DNAH5: variants seen among roughly 807,000 people sequenced by gnomAD.
The protein encoded by DNAH5 is axonemal beta dynein heavy chain 5.
Under a neutral mutation model 518.2 loss-of-function variants are expected in DNAH5, and 372 were observed. The ratio of observed to expected loss-of-function variants is 0.72; its 90% CI spans 0.66 to 0.78. The LOEUF is 0.78. Ranked by LOEUF, DNAH5 falls within the 30% of genes least tolerant of loss-of-function variation. The pLI, the probability that DNAH5 is intolerant of heterozygous loss-of-function variation, is 0.00. For missense variants in DNAH5, 5,523 were observed against 5,687.0 expected (o/e 0.97, Z 0.93); for synonymous variants, 2,039 against 2,025.9 (o/e 1.01, Z -0.17).
Position 13,842,492 on chromosome 5 carries a change from A to AC in DNAH5, c.5272-589_5272-588insG, listed in dbSNP as rs1561408187. Among the ~76,000 whole-genome samples, 2 of 90,178 alleles carry AC rather than the reference A, an allele frequency of 2.2e-5. 1 individual carries two copies. Among genetic ancestry groups the AC allele is most frequent in the Admixed American group, 2.2e-4 (2 of 9,132 alleles). The allele number at this position is 90,178 out of a possible 152,430, so 59.2% of individuals were successfully genotyped here. ...GAAAGAAAGAAAGAAAGAGAAAGAA[A>AC]AGAAAGAAAGAAAGAAAAAGAAAGA... On this transcript the variant is annotated intron_variant, in intron 32 of 78. Transcript: ENST00000265104.
intron 22 of DNAH5, among the ~76,000 whole-genome samples, chr5:13,872,777 G>C (rs1040476819): frequency 1.3e-5 from 2 of 152,096 alleles, no homozygotes; most frequent in African/African-American, 4.8e-5. Context: ...TCACAGAGGA[G>C]TACAGTCCTG....
chr5:13,948,683 G>A (rs552553343), upstream of DNAH5, among the ~76,000 whole-genome samples: 21 of 152,304 alleles, frequency 1.4e-4, no homozygotes, highest in East Asian at 7.7e-4. Flanking sequence ...AATGGTGGGC[G>A]TCAATCTAAG....
At chr5:13,836,132 TC>T (rs1354252887) in intron 35 of DNAH5, among the ~76,000 whole-genome samples, 1 of 151,946 alleles carries the variant, frequency 6.6e-6, no homozygotes, top group African/African-American at 2.4e-5. Context: ...CTATCACACT[TC>T]CCCCCAGCAT....
chr5:13,883,038 C>T lies in DNAH5; in HGVS notation c.3040G>A (p.Val1014Ile), dbSNP rs778469881. Residue 1014 changes from valine (V) to isoleucine (I), a missense_variant, in exon 20 of 79, where the codon GTC becomes ATC. This residue lies in a region of DNAH5 where 5,121 missense variants were observed against 5,223.3 expected (regional missense o/e 0.98). Coordinates refer to ENST00000265104, the MANE Select transcript of DNAH5 (RefSeq NM_001369.3). ...QNSLPIFRAS[V>I]TLAIPNIVMA... ...ACGATGTTGGGAATGGCCAGAGTGA[C>T]GCTTGCCCGGAAAATGGGCAAACTG... 20 of 1,614,046 alleles carry T rather than the reference C, an allele frequency of 1.2e-5. No homozygotes were observed. Among genetic ancestry groups the T allele is most frequent in the South Asian group, 3.3e-5 (3 of 91,084 alleles).
At chr5:13,710,238 G>T (rs922759519) in intron 75 of DNAH5, among the ~76,000 whole-genome samples, 1 of 152,120 alleles carries the variant, frequency 6.6e-6, no homozygotes, top group Non-Finnish European at 1.5e-5. Context: ...TCGGCTCACA[G>T]GAAGCCACAT....
At chr5:13,795,022 A>G (rs953589400) in intron 47 of DNAH5, among the ~76,000 whole-genome samples, 5 of 152,226 alleles carry the variant, frequency 3.3e-5, no homozygotes, top group Non-Finnish European at 7.3e-5. Flanking sequence ...AGATATTAAA[A>G]CTGAAAGAAC....
chr5:13,838,782 A>G (rs28641115), intron 35 of DNAH5, among the ~76,000 whole-genome samples: 60,971 of 151,892 alleles, frequency 0.4, 12,626 homozygotes, highest in East Asian at 0.61. Context: ...CACGAGACCA[A>G]TCCCTGGTGC....
chr5:13,948,891 T>C (rs1166783771), upstream of DNAH5, among the ~76,000 whole-genome samples: 1 of 152,154 alleles, frequency 6.6e-6, no homozygotes, highest in East Asian at 1.9e-4. Context: ...TAAAAATGAA[T>C]AAACTCGCAA....
intron 52 of DNAH5, 71 bp from the exon 53 acceptor site, chr5:13,781,030 A>G (rs1666352649): frequency 1.1e-5 from 16 of 1,513,592 alleles, no homozygotes; most frequent in Non-Finnish European, 1.5e-5. Flanking sequence ...TTTATTCAAT[A>G]TATGAATAAG....
chr5:13,750,160 C>T (rs915595416), intron 65 of DNAH5, among the ~76,000 whole-genome samples: 1 of 152,144 alleles, frequency 6.6e-6, no homozygotes, highest in African/African-American at 2.4e-5. Flanking sequence ...AGAAAAGGTA[C>T]AGACAAGGGG....
At chr5:13,797,195 A>G (rs1203808704) in intron 47 of DNAH5, among the ~76,000 whole-genome samples, 1 of 152,210 alleles carries the variant, frequency 6.6e-6, no homozygotes, top group Non-Finnish European at 1.5e-5. Context: ...GCCAAAATAG[A>G]CAAACGGGAT....
intron 65 of DNAH5, among the ~76,000 whole-genome samples, chr5:13,738,365 G>T (rs886950484): frequency 7.9e-5 from 12 of 152,248 alleles, no homozygotes; most frequent in African/African-American, 2.4e-4. Flanking sequence ...TTGTTTAAAT[G>T]TGGTTATTTC....
At chr5:13,788,522 G>A (rs1756443943) in intron 51 of DNAH5, among the ~76,000 whole-genome samples, 194 bp downstream of exon 51, 1 of 152,116 alleles carries the variant, frequency 6.6e-6, no homozygotes, top group Non-Finnish European at 1.5e-5. Context: ...GCATAAACTA[G>A]TTCGTCTTTA....
At chr5:13,736,604 A>G (rs1747490595) in intron 66 of DNAH5, among the ~76,000 whole-genome samples, 1 of 151,864 alleles carries the variant, frequency 6.6e-6, no homozygotes, top group Non-Finnish European at 1.5e-5. Context: ...GAGTTTCACC[A>G]TGTTATCCAG....
intron 65 of DNAH5, among the ~76,000 whole-genome samples, chr5:13,750,524 TAC>T (rs908752651): frequency 2.0e-5 from 3 of 152,198 alleles, no homozygotes; most frequent in Non-Finnish European, 4.4e-5. Flanking sequence ...CTTCAAAAGT[TAC>T]AGAGTGAAAC....
At chr5:13,713,315 C>T (rs934034277) in intron 75 of DNAH5, among the ~76,000 whole-genome samples, 10 of 126,552 alleles carry the variant, frequency 7.9e-5, no homozygotes, top group Non-Finnish European at 1.2e-4. Context: ...ATATATATAC[C>T]GACATATATA....
chr5:13,709,020 G>A (rs997439119), intron 75 of DNAH5, among the ~76,000 whole-genome samples: 8 of 152,120 alleles, frequency 5.3e-5, no homozygotes, highest in South Asian at 4.2e-4. Flanking sequence ...TGTTAGACAC[G>A]AATGACGCCT....
chr5:13,934,955 C>A (rs2152015323), intron 1 of DNAH5, among the ~76,000 whole-genome samples: 1 of 152,302 alleles, frequency 6.6e-6, no homozygotes, highest in African/African-American at 2.4e-5. Context: ...GAATTGTTTT[C>A]TGCCTTCCTG....
chr5:13,832,344 C>G (rs1482438218), intron 35 of DNAH5, among the ~76,000 whole-genome samples: 1 of 152,158 alleles, frequency 6.6e-6, no homozygotes, highest in African/African-American at 2.4e-5. Flanking sequence ...GTGGGCATGC[C>G]TGGAGACTTC....
Sources: gnomAD v4.1 joint callset for allele counts (sites outside exome capture counted in the v4.1 genomes callset) on GRCh38, gnomAD v4.1.1 for gene constraint, gnomAD v4.1.1 regional missense constraint, MANE v1.5 for transcripts, NCBI Gene and HGNC (gene_info 2026-07-23, HGNC 2026-07-21) for gene names.